The following SLC9A2 variants were observed in gnomAD, a reference collection of about 807,000 sequenced individuals.
SLC9A2 encodes solute carrier family 9 member A2, also known as sodium/hydrogen exchanger 2.
A neutral mutation model predicts 71.7 loss-of-function variants in SLC9A2; 42 were observed. The observed-to-expected ratio is 0.59, with a 90% CI of 0.46 to 0.76. SLC9A2 has a LOEUF of 0.76. SLC9A2 is among the 30% of genes least tolerant of loss of function. SLC9A2 has a pLI of 0.00. For missense variants in SLC9A2, 829 were observed against 1,017.4 expected (o/e 0.81, Z 2.52); for synonymous variants, 396 against 392.5 (o/e 1.01, Z -0.10).
At chr2:102,685,918 T>C (rs1677538029) in intron 5 of SLC9A2, among the ~76,000 whole-genome samples, 1 of 152,018 alleles carries the variant, frequency 6.6e-6, no homozygotes, top group African/African-American at 2.4e-5. Context: ...GGAGTGAAAA[T>C]ATACATTGAA....
At chr2:102,697,253 G>C (rs1264037788) in intron 7 of SLC9A2, 1 of 152,236 alleles carries the variant, frequency 6.6e-6, no homozygotes, top group Non-Finnish European at 1.5e-5. Context: ...TGGTCCTGGG[G>C]CACTGTCAGA....
chr2:102,663,381 G>A (rs1677081034), intron 2 of SLC9A2, among the ~76,000 whole-genome samples: 1 of 152,130 alleles, frequency 6.6e-6, no homozygotes. Flanking sequence ...CATCTACTAG[G>A]CAACTTGGAA....
chr2:102,643,910 CTTT>C (rs11301515), intron 1 of SLC9A2, among the ~76,000 whole-genome samples: 2 of 146,410 alleles, frequency 1.4e-5, no homozygotes, highest in Non-Finnish European at 1.5e-5. Flanking sequence ...CATTTTCTTA[CTTT>C]TTTTTTTTTG....
In SLC9A2 at chr2:102,684,314, T is replaced by C; in HGVS notation, c.1403T>C (p.Ile468Thr). The change falls in exon 5 of 12, where the codon ATA (isoleucine) becomes ACA (threonine). Residue 468 changes from isoleucine to threonine, a missense_variant. Physicochemically the swap from Ile to Thr is moderately conservative, Grantham distance 89. This residue lies in a region of SLC9A2 where 500 missense variants were observed against 726.3 expected (regional missense o/e 0.69). Transcript: ENST00000233969. ...KLFITAAIVV[I>T]FFTVFILGIT... ...TTTATTACGGCTGCCATTGTTGTCA[T>C]ATTCTTTACTGTCTTCATTCTGGTA... 1 of 1,614,132 alleles carries C rather than the reference T, an allele frequency of 6.2e-7. No individual in the cohort carries two copies. Among genetic ancestry groups the C allele is most frequent in the Non-Finnish European group, 8.5e-7 (1 of 1,179,944 alleles).
chr2:102,685,058 G>T (rs919123056), intron 5 of SLC9A2, among the ~76,000 whole-genome samples: 5 of 152,230 alleles, frequency 3.3e-5, no homozygotes, highest in Non-Finnish European at 5.9e-5. Flanking sequence ...AAGGAGTCAA[G>T]CATGGTAAGG....
At chr2:102,650,061 C>T (rs536471806) in intron 1 of SLC9A2, among the ~76,000 whole-genome samples, 1 of 152,280 alleles carries the variant, frequency 6.6e-6, no homozygotes, top group Admixed American at 6.5e-5. Flanking sequence ...GCAAAGACTT[C>T]CAACCAACCA....
In SLC9A2 at chr2:102,684,322, A is replaced by T; in HGVS notation, c.1411A>T (p.Thr471Ser). Residue 471 changes from threonine (T) to serine (S), a missense_variant, in exon 5 of 12, where the codon ACT becomes TCT. By Grantham distance (58) the Thr-to-Ser change is moderately conservative. Around this residue, in one of 3 missense-constraint regions of SLC9A2, gnomAD observed 500 missense variants for 726.3 expected, o/e 0.69. Transcript: ENST00000233969. ...ITAAIVVIFF[T>S]VFILGITIRP... Reference sequence around the variant, plus strand: ...GGCTGCCATTGTTGTCATATTCTTTACTGTCTTCATTCTGGTAAGTAGAGT... The same window carrying T: ...GGCTGCCATTGTTGTCATATTCTTTTCTGTCTTCATTCTGGTAAGTAGAGT... 6.2e-7 allele frequency: 1 copy of T among 1,613,888 alleles called. No individual in the cohort carries two copies. The highest frequency in any genetic ancestry group is 8.5e-7 in the Non-Finnish European group (1 of 1,179,816).
chr2:102,635,029 A>C (rs1211965195), intron 1 of SLC9A2, among the ~76,000 whole-genome samples: 2 of 152,226 alleles, frequency 1.3e-5, no homozygotes, highest in African/African-American at 4.8e-5. Context: ...TTGCTTTCCT[A>C]GGCCTTTTGT....
At chr2:102,664,359 G>A (rs1677097656) in intron 2 of SLC9A2, among the ~76,000 whole-genome samples, 2 of 151,254 alleles carry the variant, frequency 1.3e-5, no homozygotes, top group Non-Finnish European at 2.9e-5. Context: ...GTAACAAAAT[G>A]TAAGATAAAT....
At position 102,704,471 on chromosome 2, in the gene SLC9A2, C is replaced by T. The variant is rs182630837; in HGVS notation, c.1846-73C>T. The T allele has an allele frequency of 4.0e-3, 5,882 of 1,474,236 alleles. 23 individuals carry two copies. Among genetic ancestry groups the T allele is most frequent in the Middle Eastern group, 7.5e-3 (42 of 5,578 alleles). 91.3% of individuals were successfully genotyped at this position (1,474,236 alleles called of 1,614,324 possible). On this transcript the variant is annotated intron_variant, in intron 9 of 11. Transcript: ENST00000233969. ...CAGATCCAAAGAAATGTGGTAAAGT[C>T]TTGGAATTTCTGGGGGAAATGATCA...
intron 5 of SLC9A2, among the ~76,000 whole-genome samples, chr2:102,690,348 C>G (rs756537881): frequency 6.6e-6 from 1 of 151,998 alleles, no homozygotes; most frequent in East Asian, 1.9e-4. Flanking sequence ...CACTTTGGGT[C>G]AGTGAGGAGA....
chr2:102,658,689 A>C (rs1181881695), intron 2 of SLC9A2, among the ~76,000 whole-genome samples: 2 of 151,982 alleles, frequency 1.3e-5, no homozygotes, highest in African/African-American at 4.8e-5. Context: ...TAGATTACAT[A>C]TAATTAGAGT....
intron 3 of SLC9A2, among the ~76,000 whole-genome samples, chr2:102,668,088 T>TA (rs200229975): frequency 0.015 from 2,246 of 146,262 alleles, 52 homozygotes; most frequent in African/African-American, 0.049. Context: ...AACTAAAAAA[T>TA]AAAAAAAAAA....
At chr2:102,653,181 C>T (rs1446532869) in intron 1 of SLC9A2, among the ~76,000 whole-genome samples, 1 of 152,116 alleles carries the variant, frequency 6.6e-6, no homozygotes, top group African/African-American at 2.4e-5. Flanking sequence ...GTGTGACAGC[C>T]CTTCATTTAA....
At chr2:102,674,903 G>T (rs1416560469) in intron 3 of SLC9A2, among the ~76,000 whole-genome samples, 1 of 152,136 alleles carries the variant, frequency 6.6e-6, no homozygotes, top group Non-Finnish European at 1.5e-5. Flanking sequence ...GGGTCACAGA[G>T]AAATCGAGCT....
intron 1 of SLC9A2, among the ~76,000 whole-genome samples, chr2:102,647,290 G>C (rs988217294): frequency 4.6e-5 from 7 of 152,182 alleles, no homozygotes; most frequent in African/African-American, 1.7e-4. Context: ...TAAGTTCTTT[G>C]AAACCAATGA....
intron 1 of SLC9A2, among the ~76,000 whole-genome samples, chr2:102,621,590 G>T (rs116838620): frequency 1.2e-4 from 18 of 152,196 alleles, no homozygotes; most frequent in Non-Finnish European, 1.9e-4. Context: ...AAGAATGTAT[G>T]CATTACATGT....
At chr2:102,677,911 C>T (rs1042300042) in intron 3 of SLC9A2, among the ~76,000 whole-genome samples, 2 of 152,188 alleles carry the variant, frequency 1.3e-5, no homozygotes, top group African/African-American at 4.8e-5. Flanking sequence ...TCCCCTCCTC[C>T]AGCTAACAGA....
chr2:102,630,435 A>G (rs1424684712), intron 1 of SLC9A2, among the ~76,000 whole-genome samples: 1 of 152,082 alleles, frequency 6.6e-6, no homozygotes, highest in Non-Finnish European at 1.5e-5. Flanking sequence ...ATGTTGTTAC[A>G]CTGACTTTTG....
Sources: allele counts gnomAD v4.1 joint callset (sites outside exome capture counted in the v4.1 genomes callset), GRCh38; gene constraint gnomAD v4.1.1; regional missense constraint gnomAD v4.1.1; transcripts MANE v1.5; gene names NCBI Gene and HGNC (gene_info 2026-07-23, HGNC 2026-07-21).